Variants in ARHGAP24 observed in about 807,000 individuals in gnomAD.
ARHGAP24 encodes Rho GTPase activating protein 24.
A neutral mutation model predicts 76.4 loss-of-function variants in ARHGAP24; 50 were observed. That is an observed-to-expected ratio of 0.65 (90% CI 0.52 to 0.83). The LOEUF is 0.83. ARHGAP24 is among the 40% of genes least tolerant of loss of function. The probability of loss-of-function intolerance (pLI) is 0.00; values close to 1 mark genes in which losing one functional copy is unlikely to be tolerated. For missense variants in ARHGAP24, 930 were observed against 914.2 expected (o/e 1.02, Z -0.22); for synonymous variants, 345 against 323.3 (o/e 1.07, Z -0.72).
intron 3 of ARHGAP24, among the ~76,000 whole-genome samples, chr4:85,819,958 G>A (rs796535807): frequency 2.0e-5 from 3 of 150,968 alleles, no homozygotes; most frequent in African/African-American, 2.5e-5. Context: ...CTTCCTGTAC[G>A]GCCTATGGAA....
chr4:85,789,049 T>C (rs1260730869), intron 3 of ARHGAP24, among the ~76,000 whole-genome samples: 1 of 152,012 alleles, frequency 6.6e-6, no homozygotes, highest in Non-Finnish European at 1.5e-5. Flanking sequence ...CTGGAGCCCC[T>C]AGATAGCTCC....
At chr4:85,529,696 A>G (rs551704444) in intron 1 of ARHGAP24, among the ~76,000 whole-genome samples, 1 of 152,004 alleles carries the variant, frequency 6.6e-6, no homozygotes, top group Non-Finnish European at 1.5e-5. Flanking sequence ...GATATTGCCA[A>G]ATGTCCTCTG....
At chr4:85,728,232 CAAAAAAAA>C (rs143928362) in intron 3 of ARHGAP24, among the ~76,000 whole-genome samples, 1 of 90,556 alleles carries the variant, frequency 1.1e-5, no homozygotes, top group African/African-American at 3.8e-5. Flanking sequence ...ATCCTTTTGC[CAAAAAAAA>C]AAAAAAAAAA....
chr4:85,590,685 A>C (rs575946931), intron 2 of ARHGAP24, among the ~76,000 whole-genome samples: 1 of 152,144 alleles, frequency 6.6e-6, no homozygotes, highest in South Asian at 2.1e-4. Context: ...TAATTAAAAT[A>C]AACACTCATT....
chr4:85,895,532 A>G (rs1734127569), intron 3 of ARHGAP24, among the ~76,000 whole-genome samples: 1 of 152,188 alleles, frequency 6.6e-6, no homozygotes, highest in South Asian at 2.1e-4. Context: ...TTTCCTGAGG[A>G]AAAAAATATC....
chr4:85,671,968 G>A (rs550613268), intron 2 of ARHGAP24, among the ~76,000 whole-genome samples: 6 of 152,166 alleles, frequency 3.9e-5, no homozygotes, highest in Non-Finnish European at 8.8e-5. Context: ...ACATTCCATC[G>A]TTTTGGGCCC....
intron 9 of ARHGAP24, among the ~76,000 whole-genome samples, chr4:85,998,385 A>G (rs12510563): frequency 0.21 from 31,575 of 151,832 alleles, 3,518 homozygotes; most frequent in South Asian, 0.39. Context: ...TGATATTAAT[A>G]TTGTCCTACC....
At chr4:85,691,816 TG>T in intron 2 of ARHGAP24, among the ~76,000 whole-genome samples, 1 of 152,324 alleles carries the variant, frequency 6.6e-6, no homozygotes, top group East Asian at 1.9e-4. Flanking sequence ...GTCTTTTAAG[TG>T]GGGCATTTTG....
intron 1 of ARHGAP24, among the ~76,000 whole-genome samples, chr4:85,552,877 G>A (rs1726196743): frequency 6.6e-6 from 1 of 152,024 alleles, no homozygotes; most frequent in Non-Finnish European, 1.5e-5. Flanking sequence ...CCTTTACTTT[G>A]AGCCTATGGA....
At chr4:85,826,431 C>CAATT (rs199912590) in intron 3 of ARHGAP24, among the ~76,000 whole-genome samples, 1,649 of 152,258 alleles carry the variant, frequency 0.011, 16 homozygotes, top group South Asian at 0.051. Flanking sequence ...ATGCTGCTCA[C>CAATT]AATTAACTGA....
chr4:85,888,402 G>GAAAAAAAAA (rs377665282), intron 3 of ARHGAP24, among the ~76,000 whole-genome samples: 4 of 125,100 alleles, frequency 3.2e-5, no homozygotes, highest in Non-Finnish European at 4.8e-5. Context: ...TTCCTCTCAA[G>GAAAAAAAAA]AAAAAAAAAA....
chr4:85,987,219 T>C (rs1055283171), intron 8 of ARHGAP24, among the ~76,000 whole-genome samples: 5 of 152,078 alleles, frequency 3.3e-5, no homozygotes, highest in Non-Finnish European at 5.9e-5. Context: ...AGGAGGTATA[T>C]AGGAACCGTC....
intron 2 of ARHGAP24, among the ~76,000 whole-genome samples, chr4:85,634,554 C>T (rs965475685): frequency 6.6e-6 from 1 of 151,844 alleles, no homozygotes; most frequent in African/African-American, 2.4e-5. Context: ...TCATCTCCTG[C>T]ATGTCATTCT....
chr4:85,972,144 A>C lies in ARHGAP24; in HGVS notation c.708A>C (p.Lys236Asn). 3 of 1,613,786 alleles carry C rather than the reference A, an allele frequency of 1.9e-6. No individual in the cohort carries two copies. The East Asian group carries it at 6.7e-5, about 36-fold the overall frequency. Residue 236 changes from lysine (K) to asparagine (N), a missense_variant, in exon 6 of 10, where the codon AAA becomes AAC. Coordinates refer to ENST00000395184, the MANE Select transcript of ARHGAP24 (RefSeq NM_001025616.3). ...AKYEDFLSCA[K>N]LLSKEEEAGV... ...ATGAAGATTTTTTGTCATGTGCCAA[A>C]CTGCTCAGCAAGGAAGAGGAAGCAG...
At chr4:85,664,952 A>G (rs1722553163) in intron 2 of ARHGAP24, among the ~76,000 whole-genome samples, 1 of 152,080 alleles carries the variant, frequency 6.6e-6, no homozygotes, top group Non-Finnish European at 1.5e-5. Context: ...CAATTTTGGA[A>G]TAGGTGTGGT....
At chr4:85,938,713 C>T (rs536962554) in intron 4 of ARHGAP24, among the ~76,000 whole-genome samples, 3 of 152,266 alleles carry the variant, frequency 2.0e-5, no homozygotes, top group East Asian at 3.9e-4. Context: ...TACATGTCTA[C>T]ATGCCCTAAA....
chr4:85,573,503 G>A (rs1578047081), intron 2 of ARHGAP24, among the ~76,000 whole-genome samples: 1 of 152,120 alleles, frequency 6.6e-6, no homozygotes, highest in African/African-American at 2.4e-5. Flanking sequence ...AGCAGGGCCA[G>A]GACCAAGGCA....
At chr4:85,883,804 T>G (rs1733398010) in intron 3 of ARHGAP24, among the ~76,000 whole-genome samples, 2 of 152,212 alleles carry the variant, frequency 1.3e-5, no homozygotes, top group Middle Eastern at 3.2e-3. Flanking sequence ...CTTTATTTTT[T>G]CTTTCATTTG....
intron 1 of ARHGAP24, among the ~76,000 whole-genome samples, chr4:85,545,623 A>G (rs1187679942): frequency 6.6e-6 from 1 of 152,212 alleles, no homozygotes; most frequent in East Asian, 1.9e-4. Flanking sequence ...AAGGGGAAAG[A>G]GCAAAGTCAA....
Sources: gnomAD v4.1 joint callset for allele counts (sites outside exome capture counted in the v4.1 genomes callset) on GRCh38, gnomAD v4.1.1 for gene constraint, MANE v1.5 for transcripts, NCBI Gene and HGNC (gene_info 2026-07-23, HGNC 2026-07-21) for gene names.